Variants in ABCG1 observed in about 807,000 individuals in gnomAD.
The protein encoded by ABCG1 is ATP binding cassette subfamily G member 1.
Under a neutral mutation model 69.2 loss-of-function variants are expected in ABCG1, and 29 were observed. That is an observed-to-expected ratio of 0.42 (90% CI 0.31 to 0.57). The LOEUF is 0.57. ABCG1 is among the 20% of genes least tolerant of loss of function. ABCG1 has a pLI of 0.15. For synonymous variants in ABCG1, 370 were observed against 374.8 expected (o/e 0.99, Z 0.15); for missense variants, 718 against 898.1 (o/e 0.80, Z 2.56).
At chr21:42,215,846 T>C (rs4148095), upstream of ABCG1, among the ~76,000 whole-genome samples, 8,459 of 152,280 alleles carry the variant, frequency 0.056, 356 homozygotes, top group East Asian at 0.16. Flanking sequence ...GGGAGTCCAA[T>C]TGGACACAGG....
intron 8 of ABCG1, among the ~76,000 whole-genome samples, chr21:42,287,000 G>A (rs776972833): frequency 2.6e-5 from 4 of 152,194 alleles, no homozygotes; most frequent in African/African-American, 7.2e-5. Flanking sequence ...TCATCTAGGA[G>A]GTGTGGTGGC....
At chr21:42,285,118 C>T (rs2068915434) in intron 7 of ABCG1, among the ~76,000 whole-genome samples, 1 of 152,034 alleles carries the variant, frequency 6.6e-6, no homozygotes, top group African/African-American at 2.4e-5. Flanking sequence ...CATCACCTCC[C>T]CTGTTAAAAT....
chr21:42,244,831 T>TA (rs1348664924), intron 2 of ABCG1, among the ~76,000 whole-genome samples: 1 of 152,178 alleles, frequency 6.6e-6, no homozygotes, highest in Non-Finnish European at 1.5e-5. Context: ...GAGGCACACT[T>TA]ACAAAGGGAA....
At chr21:42,224,411 C>T (rs1298244378) in intron 1 of ABCG1, among the ~76,000 whole-genome samples, 1 of 152,172 alleles carries the variant, frequency 6.6e-6, no homozygotes, top group Non-Finnish European at 1.5e-5. Flanking sequence ...TCACACCAGA[C>T]CCCTAAGGAA....
At chr21:42,258,633 C>T (rs2068350544) in intron 2 of ABCG1, among the ~76,000 whole-genome samples, 1 of 151,964 alleles carries the variant, frequency 6.6e-6, no homozygotes, top group Non-Finnish European at 1.5e-5. Context: ...CTATCAGCCT[C>T]TCCATCCATC....
chr21:42,277,020 G>A, intron 5 of ABCG1, 75 bp downstream of exon 5: 1 of 1,487,578 alleles, frequency 6.7e-7, no homozygotes, highest in Non-Finnish European at 9.4e-7. Flanking sequence ...GCCTGCCGGG[G>A]CATTTTGGCA....
intron 14 of ABCG1, 90 bp downstream of exon 14, chr21:42,294,750 T>G: frequency 8.4e-7 from 1 of 1,195,116 alleles, no homozygotes; most frequent in Non-Finnish European, 1.2e-6. Context: ...CAAAAGCCAC[T>G]CTGGGCTGCT....
intron 2 of ABCG1, among the ~76,000 whole-genome samples, chr21:42,237,046 C>G (rs1254156527): frequency 1.3e-5 from 2 of 152,184 alleles, no homozygotes; most frequent in Admixed American, 6.5e-5. Flanking sequence ...GCCTCTAGGC[C>G]TCCTCCCCTT....
chr21:42,249,386 GAC>G (rs1333747972), intron 2 of ABCG1, among the ~76,000 whole-genome samples: 2 of 152,170 alleles, frequency 1.3e-5, no homozygotes, highest in African/African-American at 4.8e-5. Flanking sequence ...TCCGGAGCCA[GAC>G]CACTCAGTTT....
At chr21:42,259,581 C>G in intron 2 of ABCG1, 1 of 1,475,578 alleles carries the variant, frequency 6.8e-7, no homozygotes, top group South Asian at 1.4e-5. Flanking sequence ...AGTGGCATTG[C>G]CTCTGCGGAG....
intron 8 of ABCG1, 192 bp downstream of exon 8, chr21:42,286,186 C>T (rs1197033233): frequency 1.8e-6 from 1 of 549,980 alleles, no homozygotes; most frequent in Non-Finnish European, 3.3e-6. Context: ...GTAAAATCAT[C>T]TGGCCAGCCT....
chr21:42,276,014 C>A lies in ABCG1; in HGVS notation c.538-881C>A, dbSNP rs1452781867. 6.9e-6 allele frequency among the ~76,000 whole-genome samples: 1 copy of A among 145,476 alleles called. No homozygotes were observed. The highest frequency in any genetic ancestry group is 1.5e-5 in the Non-Finnish European group (1 of 66,184). ...CACACCCCGCCCCCCTCCCCGCCAC[C>A]GCCCTGCATCTCACCCTCTCCTCTG... On this transcript the variant is annotated intron_variant, in intron 4 of 14. Coordinates refer to ENST00000398449, the MANE Select transcript of ABCG1 (RefSeq NM_016818.3). The surrounding 1 kb of genome is among the most constrained non-coding windows in gnomAD (Gnocchi z 5.3).
At chr21:42,275,417 C>T (rs1001449127) in intron 4 of ABCG1, among the ~76,000 whole-genome samples, 38 of 152,202 alleles carry the variant, frequency 2.5e-4, no homozygotes, top group Non-Finnish European at 4.4e-4. Context: ...GAGGAGTTGG[C>T]GAACAGATGC....
chr21:42,285,786 C>CGGTTGATTGATT lies in ABCG1; in HGVS notation c.859-80_859-69dup, dbSNP rs2068928391. ...CTGATCGCTGGGCTGACTGATTGAT[C>CGGTTGATTGATT]GGTTGATTGATTGGTTGATTGATTG... On this transcript the variant is annotated intron_variant, in intron 7 of 14. Transcript: ENST00000398449. The CGGTTGATTGATT allele has an allele frequency of 3.6e-6, 3 of 844,566 alleles. No homozygotes were observed. The Admixed American group carries it at 5.3e-5, about 15-fold the overall frequency. The allele number at this position is 844,566 out of a possible 1,614,324, so 52.3% of individuals were successfully genotyped here.
intron 2 of ABCG1, chr21:42,260,260 G>C: frequency 6.7e-7 from 1 of 1,503,658 alleles, no homozygotes; most frequent in Non-Finnish European, 8.9e-7. Flanking sequence ...CTAGGACCCA[G>C]CTTCCACCAC....
intron 2 of ABCG1, among the ~76,000 whole-genome samples, chr21:42,253,035 G>A (rs535720981): frequency 2.5e-4 from 38 of 152,290 alleles, no homozygotes; most frequent in Admixed American, 1.2e-3. Flanking sequence ...ACGCCTGGAT[G>A]CCGCATTAGC....
intron 2 of ABCG1, among the ~76,000 whole-genome samples, chr21:42,240,730 G>A (rs908972187): frequency 6.6e-6 from 1 of 152,278 alleles, no homozygotes; most frequent in Admixed American, 6.5e-5. Context: ...TTACAGGCGT[G>A]AGCCACCGCA....
At chr21:42,208,138 G>C (rs993285686) in intron 2 of ABCG1, among the ~76,000 whole-genome samples, 1 of 152,142 alleles carries the variant, frequency 6.6e-6, no homozygotes, top group African/African-American at 2.4e-5. Flanking sequence ...GGTTGAAGCA[G>C]AGAAGTTATT....
intron 2 of ABCG1, among the ~76,000 whole-genome samples, chr21:42,262,396 G>A (rs1165365441): frequency 3.9e-5 from 6 of 152,120 alleles, no homozygotes; most frequent in African/African-American, 1.4e-4. Flanking sequence ...GAATTCTTAC[G>A]GCCGTAGATT....
Sources: allele counts gnomAD v4.1 joint callset (sites outside exome capture counted in the v4.1 genomes callset), GRCh38; gene constraint gnomAD v4.1.1; non-coding constraint Gnocchi (gnomAD v3.1); transcripts MANE v1.5; gene names NCBI Gene and HGNC (gene_info 2026-07-23, HGNC 2026-07-21).